Variants in ZNF420 observed in about 807,000 individuals in gnomAD.
ZNF420 encodes zinc finger protein 420, also known as ATM and p53-associated KZNF protein.
A neutral mutation model predicts 44.7 loss-of-function variants in ZNF420; 31 were observed. The ratio of observed to expected loss-of-function variants is 0.69; its 90% confidence interval spans 0.52 to 0.94. The LOEUF is 0.94. Among genes scored for constraint, ZNF420 ranks in the 40% least tolerant of loss-of-function variants. The pLI is 0.00. For synonymous variants in ZNF420, 245 were observed against 267.4 expected, an observed-to-expected ratio of 0.92 and a Z score of 0.82; for missense variants, 681 against 827.9, an observed-to-expected ratio of 0.82 and a Z score of 2.18.
intron 1 of ZNF420, among the ~76,000 whole-genome samples, chr19:37,043,909 A>G (rs540949561): frequency 6.6e-6 from 1 of 152,342 alleles, no homozygotes; most frequent in Admixed American, 6.5e-5. Flanking sequence ...GAAGCTAGAA[A>G]GTGTCATCAA....
intron 4 of ZNF420, among the ~76,000 whole-genome samples, chr19:37,102,514 C>T (rs1363422492): frequency 6.6e-6 from 1 of 152,162 alleles, no homozygotes; most frequent in Non-Finnish European, 1.5e-5. Flanking sequence ...TTTGATTGCA[C>T]GCCCAAGGCC....
chr19:37,011,758 C>T (rs1336818333), intron 1 of ZNF420, among the ~76,000 whole-genome samples: 5 of 152,128 alleles, frequency 3.3e-5, no homozygotes, highest in East Asian at 3.9e-4. Flanking sequence ...CCCATATGGC[C>T]TTGGTGACAC....
chr19:37,089,223 C>G, intron 3 of ZNF420, 96 bp downstream of exon 3: 1 of 1,067,048 alleles, frequency 9.4e-7, no homozygotes, highest in Non-Finnish European at 1.5e-6. Flanking sequence ...TCCTAACTGA[C>G]CTCACTCAGG....
At chr19:37,089,686 C>G (rs1969026195) in intron 3 of ZNF420, among the ~76,000 whole-genome samples, 1 of 152,112 alleles carries the variant, frequency 6.6e-6, no homozygotes, top group Admixed American at 6.5e-5. Flanking sequence ...TGTTTTTCAC[C>G]TTTCTATTGT....
rs570037153 is a variant in ZNF420, at chr19:37,094,139, G to A, written c.136+3018G>A. On this transcript the variant is annotated intron_variant, in intron 4 of 4. Transcript: ENST00000337995. ...TTGAAATTCTCTAGGTTTTTCAAATGTTTAGCCATGTTTGATAACCACTGC... is the reference window on the plus strand; with the variant it reads ...TTGAAATTCTCTAGGTTTTTCAAATATTTAGCCATGTTTGATAACCACTGC... Among the ~76,000 whole-genome samples, 370 of 152,212 alleles carry A rather than the reference G, an allele frequency of 2.4e-3. 1 individual carries two copies. The highest frequency in any genetic ancestry group is 6.8e-3 in the Middle Eastern group (2 of 294).
Position 37,059,178 on chromosome 19 carries a change from G to A in ZNF420, c.-124-21167G>A, listed in dbSNP as rs534951458. On this transcript the variant is annotated intron_variant, in intron 1 of 4. Coordinates refer to the ZNF420 transcript ENST00000587029. ...CGACTCAAGGAGGCCCTGAAGACAG[G>A]ACTCCTGGGGGTTTGGCCCTGGGAC... Among the ~76,000 whole-genome samples, 10 of 152,312 alleles carry A rather than the reference G, an allele frequency of 6.6e-5. 1 individual carries two copies. In the South Asian group the frequency reaches 2.1e-3, roughly 32 times the overall value.
chr19:37,055,315 G>T (rs891133062), intron 1 of ZNF420, among the ~76,000 whole-genome samples: 4 of 152,214 alleles, frequency 2.6e-5, no homozygotes, highest in African/African-American at 9.6e-5. Flanking sequence ...AATCCTGGGA[G>T]ATTGAGGCTG....
At chr19:37,108,477 C>T (rs1242563167) in intron 4 of ZNF420, 2 of 152,148 alleles carry the variant, frequency 1.3e-5, no homozygotes, top group African/African-American at 4.8e-5. Flanking sequence ...ACTATATTTC[C>T]TACAACTAGC....
chr19:37,121,722 C>CT (rs1461314835), intron 4 of ZNF420, among the ~76,000 whole-genome samples: 4 of 152,314 alleles, frequency 2.6e-5, no homozygotes, highest in Non-Finnish European at 4.4e-5. Flanking sequence ...TCGCAACCTA[C>CT]TCCTCTGACA....
At chr19:37,120,425 C>A (rs566203318) in intron 4 of ZNF420, among the ~76,000 whole-genome samples, 2 of 151,654 alleles carry the variant, frequency 1.3e-5, no homozygotes, top group Non-Finnish European at 2.9e-5. Flanking sequence ...ATTCAACAAC[C>A]CTTCATGCTA....
At chr19:37,063,570 G>GAC (rs2146444237) in intron 1 of ZNF420, among the ~76,000 whole-genome samples, 1 of 43,810 alleles carries the variant, frequency 2.3e-5, no homozygotes, top group South Asian at 7.7e-4. Flanking sequence ...ACCCCCACCC[G>GAC]ACGAAATGCC....
rs151263914 is a variant in ZNF420 at position 37,104,886 on chromosome 19, T to C, written c.136+13765T>C. Among the ~76,000 whole-genome samples, 1,019 of 152,346 alleles carry C rather than the reference T, an allele frequency of 6.7e-3. 12 individuals carry two copies. Among genetic ancestry groups the C allele is most frequent in the African/African-American group, 0.023 (962 of 41,574 alleles). ...CTTATAAATTTGAGTTCTTTGTAGA[T>C]TCTGGATATTAGCCCTTTGTCAGAT... On this transcript the variant is annotated intron_variant, in intron 4 of 4. Coordinates refer to ENST00000337995, the MANE Select transcript of ZNF420 (RefSeq NM_144689.5).
At chr19:37,045,951 T>C (rs1318075229) in intron 1 of ZNF420, among the ~76,000 whole-genome samples, 3 of 152,196 alleles carry the variant, frequency 2.0e-5, no homozygotes, top group Admixed American at 6.5e-5. Context: ...AGGCACTTCT[T>C]ACATGGCAGT....
Position 37,128,792 on chromosome 19 carries a change from C to T in ZNF420, c.1801C>T (p.Gln601Ter), listed in dbSNP as rs1398557611. The T allele has an allele frequency of 2.5e-6, 4 of 1,613,892 alleles. No homozygotes were observed. Among genetic ancestry groups the T allele is most frequent in the Non-Finnish European group, 3.4e-6 (4 of 1,179,966 alleles). ...TGGCAAGGCCTTTAGTCATGGCTCT[C>T]AGCTTACTCTACATCAGAGAATCCA... ...ECGKAFSHGS[Q>*]LTLHQRIHTG... The change falls in exon 5 of 5, where the codon CAG becomes TAG. Residue 601 changes from glutamine to a stop codon, truncating the protein, a stop_gained. Transcript: ENST00000337995. LOFTEE classifies it high-confidence loss of function.
intron 1 of ZNF420, among the ~76,000 whole-genome samples, chr19:37,049,179 G>A (rs1403721855): frequency 2.0e-5 from 3 of 152,068 alleles, no homozygotes; most frequent in African/African-American, 4.8e-5. Context: ...ATAAACATAC[G>A]TGTGCATGTG....
chr19:37,107,638 A>G (rs766266885), intron 4 of ZNF420: 12 of 150,246 alleles, frequency 8.0e-5, no homozygotes, highest in African/African-American at 3.0e-4. Flanking sequence ...CGCCATCGTC[A>G]TCATGGCCCG....
chr19:37,055,927 C>T (rs1967743259), intron 1 of ZNF420, among the ~76,000 whole-genome samples: 1 of 152,126 alleles, frequency 6.6e-6, no homozygotes, highest in Admixed American at 6.5e-5. Context: ...GAAGCGTCTG[C>T]CTGTGTGCCC....
intron 4 of ZNF420, among the ~76,000 whole-genome samples, chr19:37,110,350 T>C (rs1970323742): frequency 6.6e-6 from 1 of 152,220 alleles, no homozygotes. Flanking sequence ...TGTACAATAT[T>C]TTTTGCCTGT....
intron 4 of ZNF420, chr19:37,109,258 T>C (rs1970257824): frequency 6.6e-6 from 1 of 152,218 alleles, no homozygotes; most frequent in South Asian, 2.1e-4. Flanking sequence ...CAGGTACCCA[T>C]ACACTGTTAT....
Sources: allele counts gnomAD v4.1 joint callset (sites outside exome capture counted in the v4.1 genomes callset), GRCh38; gene constraint gnomAD v4.1.1; transcripts MANE v1.5; gene names NCBI Gene and HGNC (gene_info 2026-07-23, HGNC 2026-07-21).